The following RAD51B variants were observed in gnomAD, a reference collection of about 807,000 sequenced individuals.
RAD51B encodes DNA repair protein RAD51 homolog 2.
Under a neutral mutation model 42.2 loss-of-function variants are expected in RAD51B, and 38 were observed. The observed-to-expected ratio is 0.90, with a 90% CI of 0.70 to 1.18. The LOEUF is 1.18. RAD51B is among the 50% of genes most tolerant of loss of function. RAD51B has a pLI of 0.00. For missense variants in RAD51B, 373 were observed against 400.7 expected (o/e 0.93, Z 0.59); for synonymous variants, 154 against 145.2 (o/e 1.06, Z -0.43).
At chr14:68,050,778 C>T (rs778717706) in intron 7 of RAD51B, among the ~76,000 whole-genome samples, 61 of 152,204 alleles carry the variant, frequency 4.0e-4, no homozygotes, top group Non-Finnish European at 8.5e-4. Context: ...ATTCATCAAA[C>T]CCATTTTATT....
chr14:67,977,900 A>G (rs1355528538), intron 7 of RAD51B, among the ~76,000 whole-genome samples: 1 of 152,172 alleles, frequency 6.6e-6, no homozygotes, highest in Non-Finnish European at 1.5e-5. Context: ...TCTTGATAAG[A>G]TATCATTGTA....
At chr14:68,401,272 G>A (rs976675067) in intron 8 of RAD51B, among the ~76,000 whole-genome samples, 1 of 152,142 alleles carries the variant, frequency 6.6e-6, no homozygotes, top group Non-Finnish European at 1.5e-5. Flanking sequence ...CTATTAAAAT[G>A]TCCCCATTTC....
At chr14:68,398,925 A>G (rs1314747959) in intron 8 of RAD51B, among the ~76,000 whole-genome samples, 3 of 152,160 alleles carry the variant, frequency 2.0e-5, no homozygotes, top group Non-Finnish European at 4.4e-5. Context: ...ATATATTAGG[A>G]TCATCTGAGA....
intron 8 of RAD51B, among the ~76,000 whole-genome samples, chr14:68,405,721 A>G (rs989848817): frequency 5.9e-5 from 9 of 151,670 alleles, no homozygotes; most frequent in Non-Finnish European, 1.0e-4. Context: ...TTATTGTTTT[A>G]GCGACGCGGA....
intron 4 of RAD51B, among the ~76,000 whole-genome samples, chr14:67,842,448 G>A (rs1653941466): frequency 6.6e-6 from 1 of 152,076 alleles, no homozygotes. Flanking sequence ...GCACAATCTT[G>A]GTTCACTGCA....
intron 7 of RAD51B, among the ~76,000 whole-genome samples, chr14:67,893,516 A>AACAAAC (rs1555411764): frequency 2.9e-5 from 3 of 102,840 alleles, no homozygotes; most frequent in Non-Finnish European, 4.4e-5. Context: ...ACACAAAAAA[A>AACAAAC]AACAATTAGC....
In RAD51B at chr14:67,888,586, C is replaced by T. The variant is rs578123390; in HGVS notation, c.756+1382C>T. Among the ~76,000 whole-genome samples, 4 of 152,024 alleles carry T rather than the reference C, an allele frequency of 2.6e-5. No individual in the cohort carries two copies. In the East Asian group the frequency reaches 7.7e-4, roughly 29 times the overall value. On this transcript the variant is annotated intron_variant, in intron 7 of 10. Transcript: ENST00000471583. ...TCAGCCTGGGAGACAGAGTGAGACC[C>T]TCTCTCTAAAAATATATATATATAT...
At chr14:68,138,222 G>A (rs183833027) in intron 7 of RAD51B, among the ~76,000 whole-genome samples, 101 of 152,244 alleles carry the variant, frequency 6.6e-4, no homozygotes, top group African/African-American at 2.2e-3. Context: ...TGTGGTAATG[G>A]GTGGGTGGTG....
chr14:68,197,411 ATTAC>A (rs1332432214), intron 7 of RAD51B, among the ~76,000 whole-genome samples: 1 of 152,124 alleles, frequency 6.6e-6, no homozygotes, highest in African/African-American at 2.4e-5. Context: ...ATATAAGACA[ATTAC>A]TTTTTAGCCA....
intron 10 of RAD51B, among the ~76,000 whole-genome samples, chr14:68,489,211 G>T (rs956278431): frequency 1.3e-5 from 2 of 151,684 alleles, no homozygotes; most frequent in East Asian, 3.9e-4. Flanking sequence ...CTTGTAGTCC[G>T]AATGCACCCT....
At chr14:68,088,532 T>G (rs2077036364) in intron 7 of RAD51B, among the ~76,000 whole-genome samples, 1 of 151,794 alleles carries the variant, frequency 6.6e-6, no homozygotes, top group Non-Finnish European at 1.5e-5. Context: ...TGTTGCAGCA[T>G]TTGCTGCTAT....
At chr14:68,458,386 A>G (rs2085757799) in intron 9 of RAD51B, among the ~76,000 whole-genome samples, 1 of 152,232 alleles carries the variant, frequency 6.6e-6, no homozygotes. Context: ...CGTAAACTCA[A>G]AATGTCATTC....
Position 67,851,668 on chromosome 14 carries a change from A to G in RAD51B, c.316-13335A>G, listed in dbSNP as rs371245584. Among the ~76,000 whole-genome samples, 34 of 152,138 alleles carry G rather than the reference A, an allele frequency of 2.2e-4. No homozygotes were observed. In the East Asian group the frequency reaches 6.4e-3, roughly 29 times the overall value. On this transcript the variant is annotated intron_variant, in intron 4 of 10. Coordinates refer to ENST00000471583, the MANE Select transcript of RAD51B (RefSeq NM_133510.4). ...ATGGTGATGGGGGGTGTACCTGGGA[A>G]GAGGGAATGGGGAGCAGGTTGGGTA...
At chr14:68,387,506 G>A (rs1438418859) in intron 8 of RAD51B, among the ~76,000 whole-genome samples, 1 of 152,186 alleles carries the variant, frequency 6.6e-6, no homozygotes, top group Non-Finnish European at 1.5e-5. Flanking sequence ...AGTGTTTACT[G>A]TTTGACAGAC....
intron 7 of RAD51B, among the ~76,000 whole-genome samples, chr14:68,058,683 T>C (rs1210200105): frequency 2.0e-5 from 3 of 152,226 alleles, no homozygotes; most frequent in Non-Finnish European, 2.9e-5. Context: ...ATTTAAGTTA[T>C]GTTTTGATTG....
intron 7 of RAD51B, among the ~76,000 whole-genome samples, chr14:68,112,203 T>C (rs1418080539): frequency 6.6e-6 from 1 of 152,046 alleles, no homozygotes; most frequent in Middle Eastern, 3.2e-3. Context: ...AGTATAACAT[T>C]GCACTCATTG....
intron 7 of RAD51B, among the ~76,000 whole-genome samples, chr14:67,992,207 G>A (rs977328166): frequency 1.3e-5 from 2 of 152,060 alleles, no homozygotes; most frequent in African/African-American, 2.4e-5. Flanking sequence ...ACATAACAAA[G>A]CTACAAAAAG....
At chr14:68,276,861 T>C (rs2081235118) in intron 7 of RAD51B, among the ~76,000 whole-genome samples, 2 of 151,642 alleles carry the variant, frequency 1.3e-5, no homozygotes, top group Non-Finnish European at 2.9e-5. Flanking sequence ...TGAGCAGTGG[T>C]GGATGGCACA....
Position 67,865,054 on chromosome 14 carries a change from A to G in RAD51B, c.367A>G (p.Ile123Val). Reference sequence around the variant, plus strand: ...AACTCAGTTTTGTATAATGATGAGCATTTTGGCTACATTACCCACCAACAT... The same window carrying G: ...AACTCAGTTTTGTATAATGATGAGCGTTTTGGCTACATTACCCACCAACAT... Reference protein sequence around the residue: ...GKTQFCIMMSILATLPTNMGG... With the variant: ...GKTQFCIMMSVLATLPTNMGG... The change falls in exon 5 of 11, where the codon ATT (isoleucine) becomes GTT (valine). Residue 123 changes from isoleucine (I) to valine (V), a missense_variant. Coordinates refer to ENST00000471583, the MANE Select transcript of RAD51B (RefSeq NM_133510.4). 1 of 1,466,210 alleles carries G rather than the reference A, an allele frequency of 6.8e-7. No homozygotes were observed. The highest frequency in any genetic ancestry group is 9.1e-7 in the Non-Finnish European group (1 of 1,094,778). The allele number at this position is 1,466,210 out of a possible 1,614,324, so 90.8% of individuals were successfully genotyped here.
Sources: gnomAD v4.1 joint callset for allele counts (sites outside exome capture counted in the v4.1 genomes callset) on GRCh38, gnomAD v4.1.1 for gene constraint, MANE v1.5 for transcripts, NCBI Gene and HGNC (gene_info 2026-07-23, HGNC 2026-07-21) for gene names.